Variants in MYO16 observed in about 807,000 individuals in gnomAD.
MYO16 encodes unconventional myosin-XVI.
In MYO16, 94 loss-of-function variants were observed where a neutral mutation model predicts 205.3. The observed-to-expected ratio is 0.46, with a 90% CI of 0.39 to 0.54. The LOEUF is 0.54. Ranked by LOEUF, MYO16 falls within the 20% of genes least tolerant of loss-of-function variation. The pLI is 0.00. For missense variants in MYO16, 2,315 were observed against 2,387.5 expected, an observed-to-expected ratio of 0.97 and a Z score of 0.63; for synonymous variants, 988 against 954.0, an observed-to-expected ratio of 1.04 and a Z score of -0.66.
intron 27 of MYO16, among the ~76,000 whole-genome samples, chr13:109,079,191 T>A (rs941923299): frequency 6.6e-6 from 1 of 152,124 alleles, no homozygotes; most frequent in Admixed American, 6.6e-5. Context: ...AGGGATTAAT[T>A]CATTTGTTTT....
chr13:109,014,100 G>A (rs1885716902), intron 22 of MYO16, among the ~76,000 whole-genome samples: 1 of 152,126 alleles, frequency 6.6e-6, no homozygotes, highest in South Asian at 2.1e-4. Flanking sequence ...ATGGTTTTAG[G>A]TCTATCATTT....
the MYO16 span, among the ~76,000 whole-genome samples, chr13:108,543,644 G>GAA: frequency 2.1e-4 from 16 of 77,506 alleles, no homozygotes; most frequent in South Asian, 1.7e-3. Context: ...TCCCTCTCAA[G>GAA]AAAAAAAAAA....
chr13:109,130,221 G>A (rs984024644), intron 31 of MYO16, among the ~76,000 whole-genome samples: 2 of 152,044 alleles, frequency 1.3e-5, no homozygotes, highest in Non-Finnish European at 2.9e-5. Flanking sequence ...TTAGTTTCTT[G>A]GATCCTAATT....
intron 1 of MYO16, among the ~76,000 whole-genome samples, chr13:108,662,411 A>G (rs1881543729): frequency 6.6e-6 from 1 of 152,136 alleles, no homozygotes; most frequent in Non-Finnish European, 1.5e-5. Context: ...AGTGGGAACA[A>G]GGCTAGGTGT....
intron 1 of MYO16, among the ~76,000 whole-genome samples, chr13:108,611,198 T>A (rs368255113): frequency 9.9e-5 from 15 of 152,092 alleles, no homozygotes; most frequent in East Asian, 5.8e-4. Flanking sequence ...AAAGAGACAA[T>A]GGCATAGTAA....
intron 20 of MYO16, among the ~76,000 whole-genome samples, chr13:108,985,835 G>T (rs1397219164): frequency 1.3e-5 from 2 of 152,198 alleles, no homozygotes; most frequent in African/African-American, 4.8e-5. Flanking sequence ...GTGCATAGTT[G>T]TGATCCAAGT....
chr13:108,878,060 C>A (rs1056173018), intron 12 of MYO16, among the ~76,000 whole-genome samples: 1 of 152,172 alleles, frequency 6.6e-6, no homozygotes, highest in Admixed American at 6.5e-5. Flanking sequence ...CTCTCAGCAG[C>A]ACCCTTTACC....
At chr13:108,665,652 A>G (rs1404978921) in intron 1 of MYO16, among the ~76,000 whole-genome samples, 1 of 152,228 alleles carries the variant, frequency 6.6e-6, no homozygotes, top group Non-Finnish European at 1.5e-5. Context: ...GAGCTTAACT[A>G]CATATGCATG....
chr13:109,197,413 A>T (rs890136853), intron 34 of MYO16, among the ~76,000 whole-genome samples: 1 of 152,018 alleles, frequency 6.6e-6, no homozygotes, highest in African/African-American at 2.4e-5. Context: ...GTTTTTTTTT[A>T]AATGGACCCA....
chr13:108,792,338 A>G (rs1263893526), intron 5 of MYO16, among the ~76,000 whole-genome samples: 1 of 152,214 alleles, frequency 6.6e-6, no homozygotes, highest in Non-Finnish European at 1.5e-5. Flanking sequence ...TTAGATTACA[A>G]GAAAGTCTAA....
chr13:108,569,464 A>G, the MYO16 span, among the ~76,000 whole-genome samples: 1 of 152,102 alleles, frequency 6.6e-6, no homozygotes, highest in East Asian at 1.9e-4. Context: ...TATTGTTAGC[A>G]TATAAAAATA....
At chr13:109,084,328 C>T (rs7983829) in intron 27 of MYO16, among the ~76,000 whole-genome samples, 83,501 of 152,004 alleles carry the variant, frequency 0.55, 23,318 homozygotes, top group Non-Finnish European at 0.6. Flanking sequence ...ACACAACTGC[C>T]GCCTCCTCCG....
chr13:109,140,661 C>A lies in MYO16; in HGVS notation c.4449C>A (p.His1483Gln). The A allele has an allele frequency of 6.7e-7, 1 of 1,494,608 alleles. No homozygotes were observed. The highest frequency in any genetic ancestry group is 8.9e-7 in the Non-Finnish European group (1 of 1,125,810). The allele number at this position is 1,494,608 out of a possible 1,614,324, so 92.6% of individuals were successfully genotyped here. ...LLHGASPPLL[H>Q]RAPEDEAAGP... ...ACGGCGCATCGCCGCCCCTGCTCCA[C>A]CGCGCGCCGGAGGACGAGGCGGCGG... Residue 1483 changes from histidine (H) to glutamine (Q), a missense_variant, in exon 32 of 35, where the codon CAC becomes CAA. This residue lies in a region of MYO16 where 1,097 missense variants were observed against 1,092.0 expected (regional missense o/e 1.00). Transcript: ENST00000457511. This position sits in a 1 kb window ranked among gnomAD's most constrained non-coding sequence, Gnocchi z 8.0.
intron 9 of MYO16, among the ~76,000 whole-genome samples, chr13:108,838,506 T>TAA (rs770461836): frequency 3.3e-5 from 4 of 122,706 alleles, no homozygotes; most frequent in East Asian, 4.6e-4. Context: ...TAGTAAAAAT[T>TAA]AAAAAAAAAA....
At chr13:108,961,844 G>T (rs1883596919) in intron 18 of MYO16, among the ~76,000 whole-genome samples, 188 bp downstream of exon 18, 1 of 152,186 alleles carries the variant, frequency 6.6e-6, no homozygotes, top group African/African-American at 2.4e-5. Flanking sequence ...TGAGTAGCAA[G>T]ATGTACTTTT....
the MYO16 span, among the ~76,000 whole-genome samples, chr13:108,577,457 G>A: frequency 1.3e-5 from 2 of 152,252 alleles, no homozygotes; most frequent in African/African-American, 4.8e-5. Context: ...GCACAGCGTG[G>A]TCTAGTTTAT....
At chr13:108,982,174 C>CTGG (rs2139416668) in intron 20 of MYO16, among the ~76,000 whole-genome samples, 1 of 152,314 alleles carries the variant, frequency 6.6e-6, no homozygotes, top group Admixed American at 6.5e-5. Context: ...GACATGAGGA[C>CTGG]TATGGTTAAT....
At chr13:108,795,471 G>A (rs767350247) in intron 6 of MYO16, among the ~76,000 whole-genome samples, 44 of 152,162 alleles carry the variant, frequency 2.9e-4, no homozygotes, top group Non-Finnish European at 4.0e-4. Context: ...GCCTCCCAAA[G>A]TGCTGGGATT....
At chr13:109,098,542 G>A (rs149031744) in intron 27 of MYO16, among the ~76,000 whole-genome samples, 124 of 152,242 alleles carry the variant, frequency 8.1e-4, no homozygotes, top group African/African-American at 2.8e-3. Flanking sequence ...GTTGTTGGGC[G>A]TTGTCATGGA....
Sources: allele counts gnomAD v4.1 joint callset (sites outside exome capture counted in the v4.1 genomes callset), GRCh38; gene constraint gnomAD v4.1.1; regional missense constraint gnomAD v4.1.1; non-coding constraint Gnocchi (gnomAD v3.1); transcripts MANE v1.5; gene names NCBI Gene and HGNC (gene_info 2026-07-23, HGNC 2026-07-21).